UGT2B7: variants seen among roughly 807,000 people sequenced by gnomAD.
UGT2B7 encodes UDP glucuronosyltransferase family 2 member B7, also known as UDP-glucuronosyltransferase 2B7.
In UGT2B7, 51 loss-of-function variants were observed where a neutral mutation model predicts 51.9. That is an observed-to-expected ratio of 0.98 (90% CI 0.78 to 1.24). The LOEUF (loss-of-function observed/expected upper bound fraction) is 1.24. UGT2B7 is among the 50% of genes most tolerant of loss of function. The probability of loss-of-function intolerance (pLI) is 0.00; values close to 1 mark genes in which losing one functional copy is unlikely to be tolerated. For synonymous variants in UGT2B7, 225 were observed against 211.6 expected, an observed-to-expected ratio of 1.06 and a Z score of -0.55; for missense variants, 727 against 628.4, an observed-to-expected ratio of 1.16 and a Z score of -1.68.
At position 69,064,084 on chromosome 4, in the gene UGT2B7, GAAAGAAAGAA is replaced by G. The variant is rs1560499715; in HGVS notation, c.-159+12484_-159+12493del. On this transcript the variant is annotated intron_variant, in intron 1 of 5. Coordinates refer to the UGT2B7 transcript ENST00000502942. ...AGAAAGAAAGAAAGAAAGAAAGAAA[GAAAGAAAGAA>G]AGAGAAAGAAAGAAAGAAAAAGAAA... Among the ~76,000 whole-genome samples, 207 of 106,560 alleles carry G rather than the reference GAAAGAAAGAA, an allele frequency of 1.9e-3. 7 individuals carry two copies. The highest frequency in any genetic ancestry group is 6.2e-3 in the African/African-American group (126 of 20,212). The allele number at this position is 106,560 out of a possible 152,430, so 69.9% of individuals were successfully genotyped here.
At chr4:69,070,339 G>A (rs570153304) in intron 1 of UGT2B7, among the ~76,000 whole-genome samples, 85 of 145,972 alleles carry the variant, frequency 5.8e-4, no homozygotes, top group African/African-American at 1.9e-3. Context: ...TTTCAAGTTC[G>A]GAAGCACATG....
In UGT2B7 at chr4:69,085,843, T is replaced by A. The variant is rs978465544; in HGVS notation, c.-158-3629T>A. 2.6e-5 allele frequency among the ~76,000 whole-genome samples: 4 copies of A among 151,918 alleles called. No homozygotes were observed. The East Asian group carries it at 7.7e-4, about 29-fold the overall frequency. On this transcript the variant is annotated intron_variant, in intron 1 of 5. Transcript: ENST00000502942. ...ACTTGTTTATAATAATATCTTATAA[T>A]CCATTGTATTTCTGTGTATCAGTTG...
At position 69,098,274 on chromosome 4, in the gene UGT2B7, T is replaced by C. The variant is rs541579188; in HGVS notation, c.722-266T>C. Among the ~76,000 whole-genome samples, 14 of 152,142 alleles carry C rather than the reference T, an allele frequency of 9.2e-5. No homozygotes were observed. The East Asian group carries it at 2.7e-3, about 29-fold the overall frequency. ...TTTCTATGGCTCATTTTAATAATTG[T>C]TTATGATTATGAGCATACTGATGCG... On this transcript the variant is annotated intron_variant, in intron 1 of 5. Coordinates refer to ENST00000305231, the MANE Select transcript of UGT2B7 (RefSeq NM_001074.4).
upstream of UGT2B7, among the ~76,000 whole-genome samples, chr4:69,094,134 T>TA (rs1719157962): frequency 1.7e-4 from 4 of 24,188 alleles, 2 homozygotes; most frequent in Non-Finnish European, 2.4e-4. Flanking sequence ...GGTTTCTTTT[T>TA]TTTTTTTTTT....
chr4:69,102,792 A>T lies in UGT2B7; in HGVS notation c.871-15A>T, dbSNP rs1355830142. On this transcript the variant is annotated splice_polypyrimidine_tract_variant and intron_variant, in intron 2 of 5. Coordinates refer to ENST00000305231, the MANE Select transcript of UGT2B7 (RefSeq NM_001074.4). Reference sequence around the variant, plus strand: ...CTAATACTCTTTTGTGATGAAGCAAATTCTTTCTTCACAGGAAATGGAAGA... The same window carrying T: ...CTAATACTCTTTTGTGATGAAGCAATTTCTTTCTTCACAGGAAATGGAAGA... The T allele has an allele frequency of 6.2e-7, 1 of 1,610,492 alleles. No individual in the cohort carries two copies. Among genetic ancestry groups the T allele is most frequent in the Admixed American group, 1.7e-5 (1 of 59,264 alleles).
upstream of UGT2B7, among the ~76,000 whole-genome samples, chr4:69,093,959 G>A (rs575358816): frequency 1.4e-4 from 22 of 151,976 alleles, no homozygotes; most frequent in South Asian, 3.5e-3. Context: ...ACCTACTTCC[G>A]GTCAGTCATC....
intron 1 of UGT2B7, among the ~76,000 whole-genome samples, chr4:69,084,423 T>G (rs1718904508): frequency 1.0e-5 from 1 of 97,562 alleles, no homozygotes; most frequent in Non-Finnish European, 1.9e-5. Flanking sequence ...TCTTTAATGT[T>G]TTGGAAAAAA....
At chr4:69,070,445 A>AG (rs1237743532) in intron 1 of UGT2B7, among the ~76,000 whole-genome samples, 3 of 150,476 alleles carry the variant, frequency 2.0e-5, no homozygotes, top group East Asian at 3.9e-4. Context: ...CAGAAAAAAA[A>AG]AAAAGAAAAA....
intron 1 of UGT2B7, among the ~76,000 whole-genome samples, chr4:69,053,918 AG>A (rs1459665764): frequency 6.6e-6 from 1 of 152,138 alleles, no homozygotes; most frequent in Non-Finnish European, 1.5e-5. Flanking sequence ...GAGGAAGAAA[AG>A]AAAATAATAA....
At chr4:69,096,269 T>A (rs1440751739), upstream of UGT2B7, among the ~76,000 whole-genome samples, 2 of 152,116 alleles carry the variant, frequency 1.3e-5, no homozygotes. Flanking sequence ...CCATACAAGA[T>A]CCTTGATATT....
chr4:69,072,043 C>CAAAG (rs1718612992), intron 1 of UGT2B7, among the ~76,000 whole-genome samples: 1 of 152,052 alleles, frequency 6.6e-6, no homozygotes, highest in Non-Finnish European at 1.5e-5. Context: ...CATGAGCTAT[C>CAAAG]AAAGAATACT....
intron 2 of UGT2B7, among the ~76,000 whole-genome samples, chr4:69,091,384 AC>A (rs1719081018): frequency 1.3e-5 from 2 of 148,996 alleles, no homozygotes; most frequent in Non-Finnish European, 3.0e-5. Context: ...TGAATTAGAA[AC>A]TTTAAAGATT....
intron 1 of UGT2B7, among the ~76,000 whole-genome samples, chr4:69,059,698 C>G (rs778109145): frequency 6.6e-6 from 1 of 152,124 alleles, no homozygotes; most frequent in African/African-American, 2.4e-5. Context: ...TGGGTGTCCG[C>G]AAATATTTAG....
intron 1 of UGT2B7, among the ~76,000 whole-genome samples, chr4:69,066,720 C>T (rs2109866314): frequency 6.6e-6 from 1 of 152,178 alleles, no homozygotes; most frequent in Non-Finnish European, 1.5e-5. Flanking sequence ...AACAAACTAT[C>T]TTTATTTCAA....
Position 69,054,291 on chromosome 4 carries a change from C to A in UGT2B7, c.-159+2689C>A, listed in dbSNP as rs1718124922. Among the ~76,000 whole-genome samples the A allele has an allele frequency of 2.6e-5, 4 of 152,246 alleles. No homozygotes were observed. In the South Asian group the frequency reaches 8.3e-4, roughly 32 times the overall value. On this transcript the variant is annotated intron_variant, in intron 1 of 5. Transcript: ENST00000502942. ...TGGCCAAGGCCAGTGGCCTATCTCT[C>A]AAAACAAAAAGACAGGGTTTCCAAA...
chr4:69,087,128 C>T (rs1718980278), intron 1 of UGT2B7, among the ~76,000 whole-genome samples: 1 of 151,586 alleles, frequency 6.6e-6, no homozygotes, highest in Non-Finnish European at 1.5e-5. Context: ...CTCTCTCTCT[C>T]TGTCTCTCTC....
intron 1 of UGT2B7, among the ~76,000 whole-genome samples, chr4:69,087,910 A>T (rs561865816): frequency 6.6e-6 from 1 of 152,012 alleles, no homozygotes; most frequent in Non-Finnish European, 1.5e-5. Flanking sequence ...TTTAAATAGG[A>T]TGTGCCTTTG....
chr4:69,089,613 A>G (rs1487100102), intron 2 of UGT2B7: 3 of 152,952 alleles, frequency 2.0e-5, no homozygotes, highest in African/African-American at 4.8e-5. Flanking sequence ...GGTGAGTACA[A>G]CGTCCAATCC....
intron 3 of UGT2B7, among the ~76,000 whole-genome samples, chr4:69,105,472 A>G (rs1194189575): frequency 6.6e-6 from 1 of 152,188 alleles, no homozygotes; most frequent in Non-Finnish European, 1.5e-5. Flanking sequence ...TGGGAGTTTC[A>G]AAATTAGTAA....
Sources: gnomAD v4.1 joint callset for allele counts (sites outside exome capture counted in the v4.1 genomes callset) on GRCh38, gnomAD v4.1.1 for gene constraint, MANE v1.5 for transcripts, NCBI Gene and HGNC (gene_info 2026-07-23, HGNC 2026-07-21) for gene names.